The following TLK2 variants were observed in gnomAD, a reference collection of about 807,000 sequenced individuals.
TLK2 encodes the protein serine/threonine-protein kinase tousled-like 2.
TLK2 carries 6 observed loss-of-function variants against 117.3 expected under a neutral mutation model. That is an observed-to-expected ratio of 0.05 (90% CI 0.03 to 0.10). The LOEUF is 0.10. TLK2 is among the 10% of genes least tolerant of loss of function. The probability of loss-of-function intolerance (pLI) is 1.00; values close to 1 mark genes in which losing one functional copy is unlikely to be tolerated. For synonymous variants in TLK2, 257 were observed against 316.7 expected (o/e 0.81, Z 2.00); for missense variants, 299 against 901.2 (o/e 0.33, Z 8.56).
In TLK2 at chr17:62,553,298, C is replaced by T. The variant is rs369155456; in HGVS notation, c.628-365C>T. The T allele has an allele frequency of 7.3e-5, 14 of 192,976 alleles. No individual in the cohort carries two copies. In the East Asian group the frequency reaches 2.0e-3, roughly 28 times the overall value. 12.0% of individuals were successfully genotyped at this position (192,976 alleles called of 1,614,324 possible). A position where few individuals can be genotyped will look rare whatever the true frequency, so the allele number is the denominator to read the frequency against. On this transcript the variant is annotated intron_variant, in intron 8 of 21. Coordinates refer to ENST00000346027, the MANE Select transcript of TLK2 (RefSeq NM_006852.6). ...ATTGCTCTCTGTTTCCACCAGATGG[C>T]GCATTTGTTCCTTAGAGAGTTGTGT...
At chr17:62,599,723 C>T (rs1419637102) in intron 17 of TLK2, among the ~76,000 whole-genome samples, 4 of 152,178 alleles carry the variant, frequency 2.6e-5, no homozygotes, top group Non-Finnish European at 4.4e-5. Context: ...ATGATCAGTT[C>T]CCTGAATTAA....
At chr17:62,477,173 C>T (rs577901103), upstream of TLK2, among the ~76,000 whole-genome samples, 3 of 152,292 alleles carry the variant, frequency 2.0e-5, no homozygotes, top group African/African-American at 7.2e-5. Context: ...AAAGACCTAG[C>T]CTCACTGTCT....
At chr17:62,548,122 A>G (rs1203631893) in intron 7 of TLK2, among the ~76,000 whole-genome samples, 2 of 152,004 alleles carry the variant, frequency 1.3e-5, no homozygotes, top group African/African-American at 2.4e-5. Context: ...AAGTGCGCAC[A>G]CTGTTTTTTG....
chr17:62,502,249 G>T (rs1263634163), intron 2 of TLK2, among the ~76,000 whole-genome samples: 1 of 151,952 alleles, frequency 6.6e-6, no homozygotes, highest in African/African-American at 2.4e-5. Flanking sequence ...TTTAGCATTA[G>T]AATTCATTGT....
At position 62,600,663 on chromosome 17, in the gene TLK2, A is replaced by G. The variant is rs1369013476; in HGVS notation, c.1563A>G (p.Val521=). The change falls in exon 18 of 22, where the codon GTA becomes GTG. Residue 521 remains valine (V), a synonymous_variant. Transcript: ENST00000346027. ...FSLDTDSFCT[V]LEYCEGNDLD... is the part of the protein sequence containing the mutation. ...TATTTGTCTTTAGGTTTTGTACAGTATTAGAATACTGTGAGGGAAATGATC... is the reference window on the plus strand; with the variant it reads ...TATTTGTCTTTAGGTTTTGTACAGTGTTAGAATACTGTGAGGGAAATGATC... 3 of 1,609,212 alleles carry G rather than the reference A, an allele frequency of 1.9e-6. No individual in the cohort carries two copies. The highest frequency in any genetic ancestry group is 2.2e-4 in the Middle Eastern group (1 of 4,516).
intron 1 of TLK2, among the ~76,000 whole-genome samples, chr17:62,472,464 C>T (rs1484568943): frequency 3.9e-5 from 6 of 151,996 alleles, no homozygotes; most frequent in Admixed American, 2.6e-4. Flanking sequence ...GCTGGCCGGG[C>T]ACGGTGGCTC....
intron 17 of TLK2, among the ~76,000 whole-genome samples, chr17:62,599,826 G>A (rs1369837002): frequency 2.0e-5 from 3 of 152,018 alleles, no homozygotes; most frequent in Non-Finnish European, 4.4e-5. Context: ...ACTTCAAAAC[G>A]TATTCATCCC....
Position 62,520,973 on chromosome 17 carries a change from G to C in TLK2, c.153+129G>C, listed in dbSNP as rs2430928. The C allele has an allele frequency of 1.5e-5, 15 of 1,010,968 alleles. No individual in the cohort carries two copies. In the South Asian group the frequency reaches 1.6e-4, roughly 11 times the overall value. 62.6% of individuals were successfully genotyped at this position (1,010,968 alleles called of 1,614,324 possible). Reference sequence around the variant, plus strand: ...AGATTGCTTGAGGCTGGGAGTTGGAGACCAGCCTGGGCAACATAGTGAGAA... The same window carrying C: ...AGATTGCTTGAGGCTGGGAGTTGGACACCAGCCTGGGCAACATAGTGAGAA... On this transcript the variant is annotated intron_variant, in intron 3 of 21. Coordinates refer to ENST00000346027, the MANE Select transcript of TLK2 (RefSeq NM_006852.6).
At chr17:62,604,014 ATTTATTTG>A (rs1307066983) in intron 19 of TLK2, among the ~76,000 whole-genome samples, 1 of 120,196 alleles carries the variant, frequency 8.3e-6, no homozygotes, top group East Asian at 2.1e-4. Flanking sequence ...TTATTTATTT[ATTTATTTG>A]AGACGGAGTT....
At chr17:62,475,154 A>G (rs1891418210), upstream of TLK2, among the ~76,000 whole-genome samples, 1 of 152,144 alleles carries the variant, frequency 6.6e-6, no homozygotes, top group Non-Finnish European at 1.5e-5. Flanking sequence ...ACTACTCTAT[A>G]TCAAGCACGG....
chr17:62,539,051 A>G (rs1310494376), intron 7 of TLK2, among the ~76,000 whole-genome samples: 2 of 152,206 alleles, frequency 1.3e-5, no homozygotes, highest in African/African-American at 2.4e-5. Flanking sequence ...TAAGTTTGAT[A>G]GTTCTTGGTG....
At chr17:62,522,593 A>G (rs1374623916) in intron 4 of TLK2, among the ~76,000 whole-genome samples, 1 of 152,210 alleles carries the variant, frequency 6.6e-6, no homozygotes, top group East Asian at 1.9e-4. Context: ...CTTTTGTTAG[A>G]TCAGTGATTT....
upstream of TLK2, among the ~76,000 whole-genome samples, chr17:62,478,562 G>A (rs1186040646): frequency 1.3e-5 from 2 of 150,144 alleles, no homozygotes; most frequent in Middle Eastern, 3.4e-3. Flanking sequence ...GGCGCCGCCC[G>A]TCGCCCGCCC....
At chr17:62,600,881 T>G in intron 18 of TLK2, 61 bp downstream of exon 18, 1 of 1,444,160 alleles carries the variant, frequency 6.9e-7, no homozygotes, top group Non-Finnish European at 9.3e-7. Flanking sequence ...AAGTGACTTT[T>G]AATTTGATAA....
At chr17:62,581,190 A>G (rs2081191666) in intron 15 of TLK2, among the ~76,000 whole-genome samples, 1 of 152,102 alleles carries the variant, frequency 6.6e-6, no homozygotes, top group African/African-American at 2.4e-5. Flanking sequence ...TTTTCTAGAG[A>G]CGGGGTCTTG....
At chr17:62,573,194 C>T in intron 11 of TLK2, 21 bp from the exon 12 acceptor site, 1 of 1,600,594 alleles carries the variant, frequency 6.2e-7, no homozygotes, top group Non-Finnish European at 8.5e-7. Context: ...TTTCTTTGTA[C>T]AACGTCTTTT....
chr17:62,532,199 G>A (rs1309967462), intron 6 of TLK2, among the ~76,000 whole-genome samples: 5 of 151,658 alleles, frequency 3.3e-5, no homozygotes, highest in Non-Finnish European at 5.9e-5. Context: ...GTTGTTGTTC[G>A]CCCATATTTT....
intron 6 of TLK2, among the ~76,000 whole-genome samples, chr17:62,533,883 G>C (rs1281448066): frequency 1.3e-5 from 2 of 152,048 alleles, no homozygotes; most frequent in Admixed American, 6.6e-5. Flanking sequence ...TATGATAAAA[G>C]GTAGGAATCT....
intron 16 of TLK2, among the ~76,000 whole-genome samples, chr17:62,594,977 T>A (rs150139460): frequency 0.018 from 2,704 of 152,288 alleles, 52 homozygotes; most frequent in Non-Finnish European, 0.023. Context: ...TGATTTTTTT[T>A]TTGAGACGGA....
Sources: allele counts gnomAD v4.1 joint callset (sites outside exome capture counted in the v4.1 genomes callset), GRCh38; gene constraint gnomAD v4.1.1; transcripts MANE v1.5; gene names NCBI Gene and HGNC (gene_info 2026-07-23, HGNC 2026-07-21).